The following CSMD1 variants were observed in gnomAD, a reference collection of about 807,000 sequenced individuals.
CSMD1 encodes the protein CUB and sushi domain-containing protein 1.
In CSMD1, 213 loss-of-function variants were observed where a neutral mutation model predicts 417.5. That is an observed-to-expected ratio of 0.51 (90% CI 0.46 to 0.57). CSMD1 has a LOEUF of 0.57. CSMD1 is among the 20% of genes least tolerant of loss of function. CSMD1 has a pLI of 0.00. For missense variants in CSMD1, 6,923 were observed against 4,529.7 expected (o/e 1.53, Z -15.17); for synonymous variants, 2,862 against 1,736.8 (o/e 1.65, Z -16.11).
At chr8:3,360,411 G>A (rs1328909308) in intron 20 of CSMD1, among the ~76,000 whole-genome samples, 1 of 152,174 alleles carries the variant, frequency 6.6e-6, no homozygotes, top group Non-Finnish European at 1.5e-5. Context: ...CAGCCTCTTG[G>A]TCCATTATCA....
intron 37 of CSMD1, among the ~76,000 whole-genome samples, chr8:3,178,270 G>A (rs1435452023): frequency 6.6e-6 from 1 of 151,910 alleles, no homozygotes; most frequent in Non-Finnish European, 1.5e-5. Context: ...TATGGTTAAG[G>A]GGGCCTTGTT....
At chr8:3,748,096 C>G (rs1015807870) in intron 6 of CSMD1, among the ~76,000 whole-genome samples, 5 of 152,110 alleles carry the variant, frequency 3.3e-5, no homozygotes, top group Admixed American at 6.6e-5. Context: ...AAGAGTCAGT[C>G]GCTTGGAACC....
At chr8:3,842,102 G>A (rs774253428) in intron 5 of CSMD1, among the ~76,000 whole-genome samples, 1 of 152,154 alleles carries the variant, frequency 6.6e-6, no homozygotes, top group Non-Finnish European at 1.5e-5. Context: ...AAACACACAT[G>A]CCTTCATTCT....
intron 26 of CSMD1, among the ~76,000 whole-genome samples, chr8:3,282,867 C>T (rs1022248849): frequency 1.3e-5 from 2 of 152,126 alleles, no homozygotes; most frequent in Non-Finnish European, 2.9e-5. Context: ...TGTCAGTGAG[C>T]TGCCAAGAGA....
At chr8:4,041,039 C>T (rs11775491) in intron 3 of CSMD1, among the ~76,000 whole-genome samples, 18,762 of 113,800 alleles carry the variant, frequency 0.16, 1,508 homozygotes, top group South Asian at 0.24. Context: ...TTTTTTGAGA[C>T]GGAGTCTCGC....
chr8:4,922,418 A>C (rs1806559469), intron 1 of CSMD1, among the ~76,000 whole-genome samples: 1 of 152,210 alleles, frequency 6.6e-6, no homozygotes, highest in Non-Finnish European at 1.5e-5. Context: ...AAAATTAGAA[A>C]TTAAAGGTCA....
rs978098261 is a variant in CSMD1, at chr8:4,722,909, A to C, written c.86-85351T>G. ...TGTGAAATACAAAGATCTTACTGCT[A>C]TTTTCTATATCCAGCTGATCTTTTC... On this transcript the variant is annotated intron_variant, in intron 1 of 69. Transcript: ENST00000635120. 1.3e-4 allele frequency among the ~76,000 whole-genome samples: 20 copies of C among 152,084 alleles called. 1 individual carries two copies. The highest frequency in any genetic ancestry group is 9.2e-4 in the Admixed American group (14 of 15,252).
chr8:4,548,593 G>T (rs1797732650), intron 2 of CSMD1, among the ~76,000 whole-genome samples: 1 of 152,258 alleles, frequency 6.6e-6, no homozygotes, highest in Admixed American at 6.5e-5. Flanking sequence ...AATTAAATAT[G>T]ATTTGATTAG....
chr8:4,549,490 A>G (rs1177385552), intron 2 of CSMD1, among the ~76,000 whole-genome samples: 1 of 152,096 alleles, frequency 6.6e-6, no homozygotes, highest in Non-Finnish European at 1.5e-5. Context: ...CAGTCTTCCA[A>G]TAACTCTTTA....
intron 5 of CSMD1, among the ~76,000 whole-genome samples, chr8:3,940,246 G>A (rs1351436662): frequency 6.6e-6 from 1 of 151,986 alleles, no homozygotes; most frequent in Non-Finnish European, 1.5e-5. Context: ...TTTGCCTACA[G>A]AAGAAATCAG....
At chr8:4,991,622 T>G (rs1258655079) in intron 1 of CSMD1, among the ~76,000 whole-genome samples, 1 of 152,136 alleles carries the variant, frequency 6.6e-6, no homozygotes, top group African/African-American at 2.4e-5. Context: ...GGGAAAGCCC[T>G]GCTGCTTGCA....
chr8:3,696,237 T>C (rs764536491), intron 7 of CSMD1, among the ~76,000 whole-genome samples: 1 of 152,202 alleles, frequency 6.6e-6, no homozygotes, highest in Non-Finnish European at 1.5e-5. Flanking sequence ...ATAGGCAATT[T>C]AGACAGGCAC....
In CSMD1 at chr8:4,455,582, G is replaced by C. The variant is rs144645595; in HGVS notation, c.303-35517C>G. Among the ~76,000 whole-genome samples, 3 of 152,134 alleles carry C rather than the reference G, an allele frequency of 2.0e-5. No individual in the cohort carries two copies. The East Asian group carries it at 5.8e-4, about 29-fold the overall frequency. ...GACCTCCTGCTTGTGAGATCAAATTGACAAATTGTGAATTTTTAAATCATC... is the reference window on the plus strand; with the variant it reads ...GACCTCCTGCTTGTGAGATCAAATTCACAAATTGTGAATTTTTAAATCATC... On this transcript the variant is annotated intron_variant, in intron 2 of 69. Transcript: ENST00000635120.
chr8:3,816,843 T>G (rs1278712167), intron 5 of CSMD1, among the ~76,000 whole-genome samples: 1 of 152,054 alleles, frequency 6.6e-6, no homozygotes, highest in Non-Finnish European at 1.5e-5. Flanking sequence ...CTACTAGGGG[T>G]TTGGAACATA....
chr8:4,201,527 G>A (rs1474002661), intron 3 of CSMD1, among the ~76,000 whole-genome samples: 3 of 93,910 alleles, frequency 3.2e-5, no homozygotes, highest in Admixed American at 3.8e-4. Context: ...AAGAGATCCA[G>A]ACTCTGTCTC....
At chr8:3,713,029 T>A (rs1458660288) in intron 6 of CSMD1, among the ~76,000 whole-genome samples, 2 of 150,344 alleles carry the variant, frequency 1.3e-5, no homozygotes, top group African/African-American at 2.4e-5. Context: ...TATGTGAGGT[T>A]AAAAAAAAAA....
chr8:3,283,473 C>T (rs142990702), intron 26 of CSMD1, among the ~76,000 whole-genome samples: 26 of 152,006 alleles, frequency 1.7e-4, no homozygotes, highest in African/African-American at 6.0e-4. Context: ...AGGTCCATTG[C>T]TGGTCCTGAT....
At chr8:3,079,752 G>A (rs544602016) in intron 49 of CSMD1, among the ~76,000 whole-genome samples, 3 of 152,226 alleles carry the variant, frequency 2.0e-5, no homozygotes, top group African/African-American at 7.2e-5. Flanking sequence ...AATGGAAATG[G>A]CTTCGATTTT....
chr8:4,212,079 C>A (rs867447306), intron 3 of CSMD1, among the ~76,000 whole-genome samples: 1 of 151,596 alleles, frequency 6.6e-6, no homozygotes, highest in African/African-American at 2.4e-5. Context: ...AAAGAATATG[C>A]CTTGTCAACG....
Sources: gnomAD v4.1 joint callset for allele counts (sites outside exome capture counted in the v4.1 genomes callset) on GRCh38, gnomAD v4.1.1 for gene constraint, MANE v1.5 for transcripts, NCBI Gene and HGNC (gene_info 2026-07-23, HGNC 2026-07-21) for gene names.